Variants in EXOC6 observed in about 807,000 individuals in gnomAD.
The protein encoded by EXOC6 is SEC15-like 1.
EXOC6 carries 60 observed loss-of-function variants against 112.5 expected under a neutral mutation model. The ratio of observed to expected loss-of-function variants is 0.53; its 90% CI spans 0.43 to 0.66. The LOEUF (loss-of-function observed/expected upper bound fraction) is 0.66. Ranked by LOEUF, EXOC6 falls within the 30% of genes least tolerant of loss-of-function variation. The pLI, the probability that EXOC6 is intolerant of heterozygous loss-of-function variation, is 0.00. For synonymous variants in EXOC6, 295 were observed against 308.0 expected (o/e 0.96, Z 0.44); for missense variants, 855 against 957.1 (o/e 0.89, Z 1.41).
chr10:92,932,733 A>G (rs1337720937), intron 9 of EXOC6, among the ~76,000 whole-genome samples: 1 of 152,184 alleles, frequency 6.6e-6, no homozygotes, highest in African/African-American at 2.4e-5. Context: ...GAGATGCAAG[A>G]AGGAATGAAT....
chr10:92,831,960 A>G (rs1846497421), upstream of EXOC6, among the ~76,000 whole-genome samples: 1 of 152,230 alleles, frequency 6.6e-6, no homozygotes. Context: ...TGGAGAGAAG[A>G]ATGAATTTTT....
intron 19 of EXOC6, 49 bp downstream of exon 19, chr10:92,997,664 T>A: frequency 6.8e-7 from 1 of 1,472,922 alleles, no homozygotes; most frequent in Non-Finnish European, 9.2e-7. Context: ...AATCTATGCT[T>A]AAATTATATG....
At chr10:93,015,074 G>A (rs541363063) in intron 20 of EXOC6, among the ~76,000 whole-genome samples, 33 of 152,192 alleles carry the variant, frequency 2.2e-4, no homozygotes, top group Middle Eastern at 6.8e-3. Flanking sequence ...AGGAGTGACT[G>A]TGGCCTTTGC....
intron 1 of EXOC6, among the ~76,000 whole-genome samples, chr10:92,840,136 A>C (rs944985810): frequency 4.6e-5 from 7 of 151,468 alleles, no homozygotes; most frequent in South Asian, 4.2e-4. Flanking sequence ...AAAAAAAAAA[A>C]CCCTAAACTG....
At position 92,924,397 on chromosome 10, in the gene EXOC6, A is replaced by G. The variant is rs202165903; in HGVS notation, c.889-3942A>G. Among the ~76,000 whole-genome samples the G allele has an allele frequency of 3.9e-5, 6 of 152,338 alleles. No individual in the cohort carries two copies. The East Asian group carries it at 1.2e-3, about 29-fold the overall frequency. The stretch of plus-strand genomic sequence containing the variant: ...TGGAGTGTTTTCTGGGGCTGCCAAA[A>G]ATTTTAAGTTACACTGGCTAACTTT... On this transcript the variant is annotated intron_variant, in intron 8 of 21. Transcript: ENST00000260762.
At chr10:92,827,179 T>A (rs991704596) in intron 1 of EXOC6, among the ~76,000 whole-genome samples, 1 of 151,996 alleles carries the variant, frequency 6.6e-6, no homozygotes, top group Non-Finnish European at 1.5e-5. Flanking sequence ...TATTTTTTTT[T>A]AAATATTAAA....
chr10:92,966,239 AC>A (rs981248686), intron 17 of EXOC6, among the ~76,000 whole-genome samples: 8 of 150,672 alleles, frequency 5.3e-5, no homozygotes, highest in African/African-American at 1.9e-4. Context: ...TGTTTTCTGA[AC>A]CACTTTTTCC....
intron 20 of EXOC6, among the ~76,000 whole-genome samples, chr10:93,048,586 A>G (rs201417414): frequency 1.3e-5 from 2 of 151,754 alleles, no homozygotes; most frequent in East Asian, 3.9e-4. Flanking sequence ...TTAAAGTATA[A>G]TAATAATAAA....
intron 20 of EXOC6, among the ~76,000 whole-genome samples, chr10:93,029,211 G>T (rs1336039308): frequency 6.6e-6 from 1 of 152,072 alleles, no homozygotes; most frequent in Non-Finnish European, 1.5e-5. Flanking sequence ...TGTGTACGTT[G>T]TTTTTTCAGA....
chr10:92,966,169 G>A (rs1281275730), intron 17 of EXOC6, among the ~76,000 whole-genome samples: 1 of 151,778 alleles, frequency 6.6e-6, no homozygotes, highest in Admixed American at 6.6e-5. Flanking sequence ...ATAACAAAAA[G>A]CAATAAATAA....
intron 19 of EXOC6, among the ~76,000 whole-genome samples, chr10:93,002,244 T>C (rs1182837539): frequency 1.3e-5 from 2 of 152,208 alleles, no homozygotes; most frequent in East Asian, 3.8e-4. Flanking sequence ...AATTTTGAGA[T>C]GTGTTCCATA....
upstream of EXOC6, among the ~76,000 whole-genome samples, chr10:92,845,521 C>T (rs1445397678): frequency 6.8e-6 from 1 of 147,210 alleles, no homozygotes; most frequent in South Asian, 2.1e-4. Flanking sequence ...CCACTGCACT[C>T]CAGCCTGGGC....
chr10:93,030,465 G>C lies in EXOC6; in HGVS notation c.2169+16198G>C, dbSNP rs565219527. Among the ~76,000 whole-genome samples, 8 of 152,358 alleles carry C rather than the reference G, an allele frequency of 5.3e-5. No individual in the cohort carries two copies. In the East Asian group the frequency reaches 1.5e-3, roughly 29 times the overall value. On this transcript the variant is annotated intron_variant, in intron 20 of 21. Transcript: ENST00000260762. The stretch of plus-strand genomic sequence containing the variant: ...ATTACTAGAGAATTAATGCTGCTTA[G>C]ATGCAGTAAACCAGTCAGTCATACA...
chr10:93,025,913 C>T lies in EXOC6; in HGVS notation c.2169+11646C>T, dbSNP rs1845004541. 2.6e-5 allele frequency among the ~76,000 whole-genome samples: 4 copies of T among 152,284 alleles called. No individual in the cohort carries two copies. The South Asian group carries it at 8.3e-4, about 32-fold the overall frequency. ...GCCTCTTTCTAGTCATTCTTCTCCT[C>T]CCTTTCAAGGATAACCACTATCATG... On this transcript the variant is annotated intron_variant, in intron 20 of 21. Coordinates refer to ENST00000260762, the MANE Select transcript of EXOC6 (RefSeq NM_019053.6).
At chr10:92,971,576 A>G (rs975265109) in intron 17 of EXOC6, among the ~76,000 whole-genome samples, 1 of 150,368 alleles carries the variant, frequency 6.7e-6, no homozygotes, top group Non-Finnish European at 1.5e-5. Flanking sequence ...GGGTCTCACC[A>G]TGTTGGCTAG....
chr10:92,943,703 C>T (rs991269579), intron 13 of EXOC6, among the ~76,000 whole-genome samples: 2 of 142,420 alleles, frequency 1.4e-5, no homozygotes, highest in South Asian at 2.2e-4. Flanking sequence ...CATCACCTCA[C>T]GTACTTATTT....
At position 92,955,617 on chromosome 10, in the gene EXOC6, A is replaced by G. The variant is rs199777795; in HGVS notation, c.1676A>G (p.Gln559Arg). 1,117 of 1,611,816 alleles carry G rather than the reference A, an allele frequency of 6.9e-4. No homozygotes were observed. Among genetic ancestry groups the G allele is most frequent in the Admixed American group, 1.2e-3 (73 of 59,940 alleles). The change falls in exon 17 of 22, where the codon CAA becomes CGA. Residue 559 changes from glutamine (Q) to arginine (R), a missense_variant. Transcript: ENST00000260762. Reference sequence around the variant, plus strand: ...ATCATAAACACAACACACCTGGAGCAAGCTTGTAAATATCTTGAGGACTTT... The same window carrying G: ...ATCATAAACACAACACACCTGGAGCGAGCTTGTAAATATCTTGAGGACTTT... Reference protein sequence around the residue: ...QIIINTTHLEQACKYLEDFIT... With the variant: ...QIIINTTHLERACKYLEDFIT...
chr10:92,855,564 T>G (rs1847560190), intron 1 of EXOC6, among the ~76,000 whole-genome samples: 1 of 152,240 alleles, frequency 6.6e-6, no homozygotes, highest in Non-Finnish European at 1.5e-5. Context: ...TTTCGATTAC[T>G]GATTCCATTT....
At chr10:93,022,690 T>C (rs1844840846) in intron 20 of EXOC6, among the ~76,000 whole-genome samples, 1 of 152,154 alleles carries the variant, frequency 6.6e-6, no homozygotes, top group Admixed American at 6.5e-5. Context: ...AAAATTAGTT[T>C]ACAAATAGTT....
Sources: allele counts gnomAD v4.1 joint callset (sites outside exome capture counted in the v4.1 genomes callset), GRCh38; gene constraint gnomAD v4.1.1; transcripts MANE v1.5; gene names NCBI Gene and HGNC (gene_info 2026-07-23, HGNC 2026-07-21).